The following LAMC2 variants were observed in gnomAD, a reference collection of about 807,000 sequenced individuals.
The protein encoded by LAMC2 is laminin subunit gamma 2.
In LAMC2, 97 loss-of-function variants were observed where a neutral mutation model predicts 140.2. The ratio of observed to expected loss-of-function variants is 0.69; its 90% CI spans 0.59 to 0.82. The LOEUF (loss-of-function observed/expected upper bound fraction) is 0.82, where lower values mean the gene tolerates loss of function less well. LAMC2 is among the 40% of genes least tolerant of loss of function. The pLI is 0.00. For missense variants in LAMC2, 1,402 were observed against 1,476.1 expected (o/e 0.95, Z 0.82); for synonymous variants, 513 against 540.2 (o/e 0.95, Z 0.70).
intron 12 of LAMC2, 35 bp downstream of exon 12, chr1:183,231,138 C>A (rs1218333296): frequency 1.2e-6 from 2 of 1,613,464 alleles, no homozygotes; most frequent in Non-Finnish European, 8.5e-7. Flanking sequence ...CCCAACCCCA[C>A]AGAATCAAAT....
At position 183,225,604 on chromosome 1, in the gene LAMC2, G is replaced by A. The variant is rs1659601635; in HGVS notation, c.954-4G>A. On this transcript the variant is annotated splice_region_variant and splice_polypyrimidine_tract_variant and intron_variant, in intron 7 of 22. Transcript: ENST00000264144. The stretch of plus-strand genomic sequence containing the variant: ...TTTAAAGCTTTTGATTTTAAATTAT[G>A]CAGGTTAAATGAGCATCCAAGCAAT... 6.3e-7 allele frequency: 1 copy of A among 1,586,500 alleles called. No individual in the cohort carries two copies. Among genetic ancestry groups the A allele is most frequent in the South Asian group, 1.1e-5 (1 of 90,584 alleles).
At chr1:183,194,927 G>C (rs3820695) in intron 1 of LAMC2, among the ~76,000 whole-genome samples, 14,672 of 152,212 alleles carry the variant, frequency 0.096, 808 homozygotes, top group East Asian at 0.2. Context: ...GGTGGTTGCT[G>C]TCATATAGAA....
chr1:183,217,990 T>A (rs957374510), intron 3 of LAMC2, among the ~76,000 whole-genome samples: 33 of 152,224 alleles, frequency 2.2e-4, no homozygotes, highest in Non-Finnish European at 5.9e-5. Context: ...ATGGAATTAA[T>A]CATGATAAAA....
intron 11 of LAMC2, among the ~76,000 whole-genome samples, chr1:183,229,520 C>T (rs1659737792): frequency 6.6e-6 from 1 of 151,488 alleles, no homozygotes; most frequent in Non-Finnish European, 1.5e-5. Flanking sequence ...GCCTGTAATC[C>T]CAGCTACTCA....
At chr1:183,225,807 C>G (rs1202880574) in intron 8 of LAMC2, 87 bp downstream of exon 8, 1 of 847,626 alleles carries the variant, frequency 1.2e-6, no homozygotes, top group Admixed American at 1.8e-5. Flanking sequence ...AGTCTCCAAA[C>G]AAGTAGATAA....
At chr1:183,218,164 T>C (rs545841442) in intron 3 of LAMC2, among the ~76,000 whole-genome samples, 5 of 152,328 alleles carry the variant, frequency 3.3e-5, no homozygotes, top group African/African-American at 1.2e-4. Flanking sequence ...CAGACAGTTC[T>C]CGGCCCAGCT....
chr1:183,194,643 A>G (rs1658455606), intron 1 of LAMC2, among the ~76,000 whole-genome samples: 1 of 152,198 alleles, frequency 6.6e-6, no homozygotes, highest in African/African-American at 2.4e-5. Context: ...TTATTCAGAC[A>G]CATCATAGAA....
rs530081781 is a variant in LAMC2, at chr1:183,230,763, G to A, written c.1715-198G>A. Among the ~76,000 whole-genome samples the A allele has an allele frequency of 2.6e-5, 4 of 152,286 alleles. No homozygotes were observed. The South Asian group carries it at 8.3e-4, about 32-fold the overall frequency. ...GAGGAAAATGAGTGCTGCCAGAAAG[G>A]CTGTAATCTCCCTGCATCCACACAC... On this transcript the variant is annotated intron_variant, in intron 11 of 22. Transcript: ENST00000264144.
intron 7 of LAMC2, 85 bp downstream of exon 7, chr1:183,223,409 CATTT>C: frequency 1.5e-6 from 2 of 1,337,332 alleles, no homozygotes; most frequent in Non-Finnish European, 2.1e-6. Context: ...AATCATCATT[CATTT>C]GTTCAACAAG....
At chr1:183,189,649 C>T (rs923839017) in intron 1 of LAMC2, among the ~76,000 whole-genome samples, 9 of 152,042 alleles carry the variant, frequency 5.9e-5, no homozygotes, top group African/African-American at 1.7e-4. Context: ...AACCTCAGCA[C>T]TTAAAAAAGA....
intron 22 of LAMC2, among the ~76,000 whole-genome samples, chr1:183,242,548 T>C (rs547329967): frequency 6.6e-6 from 1 of 152,312 alleles, no homozygotes; most frequent in South Asian, 2.1e-4. Context: ...GTGATTTTAT[T>C]TTAAATTGGA....
intron 21 of LAMC2, 22 bp downstream of exon 21, chr1:183,240,220 C>A (rs374161168): frequency 1.2e-6 from 2 of 1,614,062 alleles, no homozygotes; most frequent in South Asian, 2.2e-5. Context: ...TTGCTTTCCA[C>A]GGGAGATCCC....
intron 12 of LAMC2, 52 bp downstream of exon 12, chr1:183,231,155 G>A: frequency 6.2e-7 from 1 of 1,606,762 alleles, no homozygotes; most frequent in Admixed American, 1.7e-5. Flanking sequence ...AAATCCTTAA[G>A]TGTCCACTGG....
In LAMC2 at chr1:183,215,437, AC is replaced by A; in HGVS notation, c.269-14del. On this transcript the variant is annotated splice_polypyrimidine_tract_variant and intron_variant, in intron 2 of 22. Coordinates refer to ENST00000264144, the MANE Select transcript of LAMC2 (RefSeq NM_005562.3). The stretch of plus-strand genomic sequence containing the variant: ...TTCTTCTTCTTCTTTCCTTTCCCCT[AC>A]CTTGTGGGTTTCAGGTTCTCTTAGT... 1 of 1,613,566 alleles carries A rather than the reference AC, an allele frequency of 6.2e-7. No individual in the cohort carries two copies. Among genetic ancestry groups the A allele is most frequent in the Non-Finnish European group, 8.5e-7 (1 of 1,179,882 alleles).
chr1:183,220,237 C>T (rs1222808430), intron 4 of LAMC2, among the ~76,000 whole-genome samples: 3 of 152,170 alleles, frequency 2.0e-5, no homozygotes, highest in Non-Finnish European at 4.4e-5. Flanking sequence ...AGGTGGAATG[C>T]AAGCTTACAC....
At chr1:183,194,977 C>T (rs948697161) in intron 1 of LAMC2, among the ~76,000 whole-genome samples, 3 of 152,204 alleles carry the variant, frequency 2.0e-5, no homozygotes, top group Admixed American at 2.0e-4. Flanking sequence ...CTGCAGCTGA[C>T]AGCAGCTGTC....
chr1:183,226,337 T>C (rs1659625253), intron 8 of LAMC2, among the ~76,000 whole-genome samples: 1 of 152,158 alleles, frequency 6.6e-6, no homozygotes, highest in South Asian at 2.1e-4. Context: ...TCTTACTGTA[T>C]GCCAGATAGA....
In LAMC2 at chr1:183,235,706, C is replaced by T. The variant is rs756432879; in HGVS notation, c.2432C>T (p.Ala811Val). The T allele has an allele frequency of 6.2e-7, 1 of 1,614,216 alleles. No homozygotes were observed. The change falls in exon 16 of 23, where the codon GCT becomes GTT. Residue 811 changes from alanine (A) to valine (V), a missense_variant. Around this residue, in one of 3 missense-constraint regions of LAMC2, gnomAD observed 670 missense variants for 667.2 expected, o/e 1.00. Coordinates refer to ENST00000264144, the MANE Select transcript of LAMC2 (RefSeq NM_005562.3). ...VGSGSGSPDG[A>V]VVQGLVEKLE... ...AGCGGAAGCGGTAGCCCGGACGGTG[C>T]TGTGGTGCAAGGGCTTGTGGAAAAG...
chr1:183,195,344 TCTGAA>T (rs1658482060), intron 1 of LAMC2, among the ~76,000 whole-genome samples: 2 of 152,288 alleles, frequency 1.3e-5, no homozygotes, highest in Middle Eastern at 3.4e-3. Flanking sequence ...AGGTGTCTCC[TCTGAA>T]GCCATAATCA....
Sources: gnomAD v4.1 joint callset for allele counts (sites outside exome capture counted in the v4.1 genomes callset) on GRCh38, gnomAD v4.1.1 for gene constraint, gnomAD v4.1.1 regional missense constraint, MANE v1.5 for transcripts, NCBI Gene and HGNC (gene_info 2026-07-23, HGNC 2026-07-21) for gene names.